Variants in NELL1 observed in about 807,000 individuals in gnomAD.
NELL1 encodes the protein neural EGFL like 1, also known as protein kinase C-binding protein NELL1.
In NELL1, 76 loss-of-function variants were observed where a neutral mutation model predicts 107.4. The observed-to-expected ratio is 0.71, with a 90% confidence interval of 0.59 to 0.86. NELL1 has a LOEUF of 0.86. Among genes scored for constraint, NELL1 ranks in the 40% least tolerant of loss-of-function variants. The probability of loss-of-function intolerance (pLI) is 0.00; values close to 1 mark genes in which losing one functional copy is unlikely to be tolerated. For synonymous variants in NELL1, 353 were observed against 341.2 expected (o/e 1.03, Z -0.38); for missense variants, 1,024 against 1,005.5 (o/e 1.02, Z -0.25).
At position 21,575,612 on chromosome 11, in the gene NELL1, A is replaced by G. The variant is rs1229539027; in HGVS notation, c.*590A>G. On this transcript the variant is annotated 3_prime_UTR_variant, in exon 20 of 20. Transcript: ENST00000357134. ...CAGCTTAAACAGGCTGAAGCCAAGT[A>G]TGACAAAGAGGGGAAGGGCCAAAAA... The G allele has an allele frequency of 1.3e-5, 2 of 151,860 alleles. No individual in the cohort carries two copies. Among genetic ancestry groups the G allele is most frequent in the African/African-American group, 2.4e-5 (1 of 41,420 alleles). The allele number at this position is 151,860 out of a possible 1,614,324, so 9.4% of individuals were successfully genotyped here. A position where few individuals can be genotyped will look rare whatever the true frequency, so the allele number is the denominator to read the frequency against.
At chr11:21,101,556 T>C (rs1590636729) in intron 12 of NELL1, among the ~76,000 whole-genome samples, 1 of 152,068 alleles carries the variant, frequency 6.6e-6, no homozygotes, top group Admixed American at 6.5e-5. Flanking sequence ...TGGTATCTCA[T>C]TGTGGTTTTG....
At chr11:21,031,831 C>T (rs1210248287) in intron 12 of NELL1, among the ~76,000 whole-genome samples, 1 of 151,948 alleles carries the variant, frequency 6.6e-6, no homozygotes, top group Non-Finnish European at 1.5e-5. Flanking sequence ...GGCGGATCAC[C>T]TGAGGTCAGG....
chr11:21,504,394 G>A (rs1855228660), intron 15 of NELL1, among the ~76,000 whole-genome samples: 1 of 152,164 alleles, frequency 6.6e-6, no homozygotes, highest in Non-Finnish European at 1.5e-5. Context: ...TGGAAGCTCA[G>A]AAAGGTTAGT....
chr11:21,325,978 C>T (rs1850122448), intron 14 of NELL1, among the ~76,000 whole-genome samples: 1 of 145,198 alleles, frequency 6.9e-6, no homozygotes, highest in African/African-American at 2.6e-5. Flanking sequence ...CATTTTATTG[C>T]TGAGTAGTAT....
chr11:20,974,479 T>C (rs1357644578), intron 12 of NELL1, among the ~76,000 whole-genome samples: 1 of 146,702 alleles, frequency 6.8e-6, no homozygotes, highest in East Asian at 1.9e-4. Context: ...CCTGTTATCT[T>C]TTTTTTTTTC....
rs570736697 is a variant in NELL1, at chr11:20,906,078, T to A, written c.604-12104T>A. On this transcript the variant is annotated intron_variant, in intron 5 of 19. Transcript: ENST00000357134. ...CAAATACAAGGACTTCTTCATGAGA[T>A]TAGCAGTAAATTTATCATCAGAAAC... Among the ~76,000 whole-genome samples the A allele has an allele frequency of 5.3e-5, 8 of 152,206 alleles. No homozygotes were observed. In the South Asian group the frequency reaches 1.7e-3, roughly 32 times the overall value.
chr11:21,451,197 AAAAAAG>A (rs1169440445), intron 15 of NELL1, among the ~76,000 whole-genome samples: 6 of 139,638 alleles, frequency 4.3e-5, no homozygotes, highest in Admixed American at 3.4e-4. Context: ...AAAAAAAAAA[AAAAAAG>A]AAAAAAAAAA....
intron 2 of NELL1, among the ~76,000 whole-genome samples, chr11:20,698,881 T>C (rs1048847106): frequency 2.0e-4 from 31 of 152,214 alleles, no homozygotes; most frequent in African/African-American, 7.2e-4. Flanking sequence ...TTATAAGTTA[T>C]ACAATATTTG....
intron 3 of NELL1, among the ~76,000 whole-genome samples, chr11:20,790,881 G>A (rs1046291628): frequency 3.9e-5 from 6 of 152,230 alleles, no homozygotes; most frequent in Admixed American, 6.5e-5. Flanking sequence ...TGCACCTGGT[G>A]TGATGGTAGC....
At chr11:20,887,015 C>T (rs1331018823) in intron 5 of NELL1, among the ~76,000 whole-genome samples, 1 of 152,140 alleles carries the variant, frequency 6.6e-6, no homozygotes, top group Non-Finnish European at 1.5e-5. Context: ...CCCTTCTCCT[C>T]ACCCGAAGCC....
At chr11:20,922,146 T>C (rs1333391846) in intron 7 of NELL1, among the ~76,000 whole-genome samples, 1 of 152,134 alleles carries the variant, frequency 6.6e-6, no homozygotes, top group Non-Finnish European at 1.5e-5. Flanking sequence ...TGCTTTAAGG[T>C]ACCCATCTTG....
chr11:21,473,113 AT>A (rs1400809080), intron 15 of NELL1, among the ~76,000 whole-genome samples: 2 of 152,030 alleles, frequency 1.3e-5, no homozygotes, highest in African/African-American at 4.8e-5. Flanking sequence ...CAGAAAATAT[AT>A]TCTTCCTGCT....
At chr11:21,038,958 T>A (rs1304167221) in intron 12 of NELL1, among the ~76,000 whole-genome samples, 1 of 152,178 alleles carries the variant, frequency 6.6e-6, no homozygotes, top group Non-Finnish European at 1.5e-5. Flanking sequence ...TACATTCTGA[T>A]GTGAACTCCT....
At chr11:21,117,174 A>C (rs923196077) in intron 13 of NELL1, among the ~76,000 whole-genome samples, 1 of 151,952 alleles carries the variant, frequency 6.6e-6, no homozygotes, top group African/African-American at 2.4e-5. Flanking sequence ...TTTACCTCTT[A>C]GCCTAAGCCT....
chr11:21,203,430 C>CTTTTTT (rs35689054), intron 13 of NELL1, among the ~76,000 whole-genome samples: 2 of 101,308 alleles, frequency 2.0e-5, no homozygotes, highest in African/African-American at 7.8e-5. Flanking sequence ...GCAACCCTTG[C>CTTTTTT]TTTTTTTTTT....
At position 20,926,373 on chromosome 11, in the gene NELL1, C is replaced by T. The variant is rs542852672; in HGVS notation, c.760-935C>T. On this transcript the variant is annotated intron_variant, in intron 7 of 19. Transcript: ENST00000357134. ...CTGGTGGTGCCAAGTGTGGTCAAGA[C>T]GACAGGATAACCTCAAATGCTTGAA... is the stretch of plus-strand genomic sequence containing the variant. Among the ~76,000 whole-genome samples, 31 of 152,058 alleles carry T rather than the reference C, an allele frequency of 2.0e-4. 1 individual carries two copies. Among genetic ancestry groups the T allele is most frequent in the African/African-American group, 4.3e-4 (18 of 41,486 alleles).
At chr11:21,083,390 C>T (rs757209788) in intron 12 of NELL1, among the ~76,000 whole-genome samples, 3 of 152,080 alleles carry the variant, frequency 2.0e-5, no homozygotes, top group Non-Finnish European at 4.4e-5. Context: ...AAGAGCCTTA[C>T]GGAAGAAAAG....
chr11:21,461,011 T>C (rs1853887988), intron 15 of NELL1, among the ~76,000 whole-genome samples: 1 of 152,054 alleles, frequency 6.6e-6, no homozygotes. Flanking sequence ...ACTAGAGTCA[T>C]TGGTAAACAT....
chr11:20,855,877 C>G (rs548678699), intron 4 of NELL1, among the ~76,000 whole-genome samples: 1 of 152,138 alleles, frequency 6.6e-6, no homozygotes, highest in African/African-American at 2.4e-5. Flanking sequence ...ATTGAAAAAA[C>G]AAAAACAAAA....
Sources: gnomAD v4.1 joint callset for allele counts (sites outside exome capture counted in the v4.1 genomes callset) on GRCh38, gnomAD v4.1.1 for gene constraint, MANE v1.5 for transcripts, NCBI Gene and HGNC (gene_info 2026-07-23, HGNC 2026-07-21) for gene names.